Variants in ALMS1 observed in about 807,000 individuals in gnomAD.
ALMS1 encodes the protein ALMS1 centrosome and basal body associated protein, also known as centrosome-associated protein ALMS1.
ALMS1 carries 271 observed loss-of-function variants against 352.2 expected under a neutral mutation model. That is an observed-to-expected ratio of 0.77 (90% CI 0.70 to 0.85). The LOEUF is 0.85. Among genes scored for constraint, ALMS1 ranks in the 40% least tolerant of loss-of-function variants. The pLI is 0.00. For synonymous variants in ALMS1, 1,865 were observed against 1,761.2 expected, an observed-to-expected ratio of 1.06 and a Z score of -1.48; for missense variants, 5,445 against 4,870.7, an observed-to-expected ratio of 1.12 and a Z score of -3.51.
chr2:73,586,952 A>G (rs895692303), intron 16 of ALMS1, among the ~76,000 whole-genome samples: 4 of 151,986 alleles, frequency 2.6e-5, no homozygotes, highest in Admixed American at 2.6e-4. Flanking sequence ...TTTTCCTTGT[A>G]GAGATCTTTC....
intron 9 of ALMS1, among the ~76,000 whole-genome samples, chr2:73,462,272 A>G (rs1261579979): frequency 3.3e-5 from 5 of 152,234 alleles, no homozygotes; most frequent in Admixed American, 6.5e-5. Flanking sequence ...CAGAAACCCT[A>G]TAAGCCAGAA....
At chr2:73,512,016 G>A (rs561885566) in intron 10 of ALMS1, among the ~76,000 whole-genome samples, 2 of 152,282 alleles carry the variant, frequency 1.3e-5, no homozygotes, top group African/African-American at 4.8e-5. Context: ...CAATGTGTGA[G>A]AGATCAAGTT....
At chr2:73,416,210 G>T (rs759283233) in intron 2 of ALMS1, among the ~76,000 whole-genome samples, 9 of 152,136 alleles carry the variant, frequency 5.9e-5, no homozygotes, top group Non-Finnish European at 1.0e-4. Context: ...ATAGAAAGGA[G>T]TGCCCTCTAA....
chr2:73,593,412 T>G (rs982593221), intron 16 of ALMS1, among the ~76,000 whole-genome samples: 1 of 152,052 alleles, frequency 6.6e-6, no homozygotes. Context: ...TGTTGTTTAT[T>G]ACATGAAGGC....
chr2:73,600,506 C>G (rs549631725), intron 17 of ALMS1, among the ~76,000 whole-genome samples, 172 bp from the exon 18 acceptor site: 1 of 152,100 alleles, frequency 6.6e-6, no homozygotes, highest in African/African-American at 2.4e-5. Context: ...CCTCTTTTTC[C>G]CTCCTACTCT....
chr2:73,602,302 G>A lies in ALMS1; in HGVS notation c.12232G>A (p.Ala4078Thr). The change falls in exon 20 of 23, where the codon GCA (alanine) becomes ACA (threonine). Residue 4078 changes from alanine to threonine, a missense_variant. By Grantham distance (58) the Ala-to-Thr change is moderately conservative. Transcript: ENST00000613296. ...GAGCATGTTACAGACCGAGCGGGAT[G>A]CACTATTCAACATTGACAGGGAACG... ...LQSMLQTERD[A>T]LFNIDRERQG... 1.1e-5 allele frequency: 17 copies of A among 1,614,218 alleles called. No homozygotes were observed. The highest frequency in any genetic ancestry group is 1.4e-5 in the Non-Finnish European group (16 of 1,180,028).
intron 9 of ALMS1, among the ~76,000 whole-genome samples, chr2:73,456,007 C>T (rs1050542686): frequency 6.6e-6 from 1 of 152,004 alleles, no homozygotes; most frequent in South Asian, 2.1e-4. Context: ...TATTTTCCTT[C>T]TATTAACTAT....
At chr2:73,564,166 C>T (rs528896929) in intron 15 of ALMS1, among the ~76,000 whole-genome samples, 1 of 151,862 alleles carries the variant, frequency 6.6e-6, no homozygotes, top group Non-Finnish European at 1.5e-5. Context: ...ATATAATTTA[C>T]CCATTTAAAA....
intron 7 of ALMS1, among the ~76,000 whole-genome samples, chr2:73,437,347 G>A (rs1671623427): frequency 1.3e-5 from 2 of 152,146 alleles, no homozygotes; most frequent in African/African-American, 2.4e-5. Context: ...TTCTTGGATT[G>A]CCTCTCCTGG....
At chr2:73,406,915 G>A (rs531354710) in intron 1 of ALMS1, among the ~76,000 whole-genome samples, 23 of 152,290 alleles carry the variant, frequency 1.5e-4, no homozygotes, top group Middle Eastern at 3.4e-3. Flanking sequence ...ATGAGCCACC[G>A]CACCTGGCCA....
At chr2:73,402,753 T>C (rs1670898521) in intron 1 of ALMS1, among the ~76,000 whole-genome samples, 1 of 152,208 alleles carries the variant, frequency 6.6e-6, no homozygotes, top group Non-Finnish European at 1.5e-5. Context: ...ATTTTGGTTT[T>C]AATTTGCATT....
At chr2:73,551,027 G>A (rs1230022856) in intron 13 of ALMS1, among the ~76,000 whole-genome samples, 1 of 150,656 alleles carries the variant, frequency 6.6e-6, no homozygotes, top group Admixed American at 6.6e-5. Context: ...TTATAGTGAT[G>A]GGGGGTTTTT....
At chr2:73,493,209 T>G (rs926326696) in intron 10 of ALMS1, among the ~76,000 whole-genome samples, 2 of 151,874 alleles carry the variant, frequency 1.3e-5, no homozygotes, top group Non-Finnish European at 2.9e-5. Flanking sequence ...GAAATAGATA[T>G]TATTACCTCA....
At chr2:73,541,716 A>G (rs543550764) in intron 12 of ALMS1, among the ~76,000 whole-genome samples, 4 of 152,350 alleles carry the variant, frequency 2.6e-5, no homozygotes, top group African/African-American at 9.6e-5. Context: ...AATACAAACT[A>G]CCATCAGAGA....
chr2:73,480,560 G>A (rs1672677194), intron 9 of ALMS1, among the ~76,000 whole-genome samples: 1 of 151,818 alleles, frequency 6.6e-6, no homozygotes, highest in Non-Finnish European at 1.5e-5. Context: ...CTTTATAGCA[G>A]CATGATTTAT....
intron 9 of ALMS1, among the ~76,000 whole-genome samples, chr2:73,462,406 T>C (rs1672224625): frequency 6.6e-6 from 1 of 152,160 alleles, no homozygotes; most frequent in African/African-American, 2.4e-5. Context: ...AAGCAAATGC[T>C]GAGAGATTTT....
intron 7 of ALMS1, among the ~76,000 whole-genome samples, chr2:73,445,399 C>G (rs912742216): frequency 6.6e-6 from 1 of 152,072 alleles, no homozygotes; most frequent in Admixed American, 6.6e-5. Flanking sequence ...TTCCCAGCCC[C>G]GTTACAGACT....
intron 7 of ALMS1, among the ~76,000 whole-genome samples, chr2:73,434,181 G>GT (rs1671565016): frequency 6.6e-6 from 1 of 150,952 alleles, no homozygotes; most frequent in Non-Finnish European, 1.5e-5. Flanking sequence ...CTTTTATTCT[G>GT]TTTTTTAAGG....
intron 12 of ALMS1, among the ~76,000 whole-genome samples, chr2:73,543,171 T>A (rs1021268586): frequency 6.6e-6 from 1 of 152,098 alleles, no homozygotes; most frequent in Non-Finnish European, 1.5e-5. Context: ...AACAGAGATA[T>A]AGACCAACGG....
Sources: allele counts gnomAD v4.1 joint callset (sites outside exome capture counted in the v4.1 genomes callset), GRCh38; gene constraint gnomAD v4.1.1; transcripts MANE v1.5; gene names NCBI Gene and HGNC (gene_info 2026-07-23, HGNC 2026-07-21).